The following NOS1 variants were observed in gnomAD, a reference collection of about 807,000 sequenced individuals.
The protein encoded by NOS1 is nitric oxide synthase 1.
In NOS1, 51 loss-of-function variants were observed where a neutral mutation model predicts 164.5. That is an observed-to-expected ratio of 0.31 (90% CI 0.25 to 0.39). The LOEUF is 0.39. NOS1 is among the 10% of genes least tolerant of loss of function. The pLI is 1.00. For synonymous variants in NOS1, 719 were observed against 745.8 expected (o/e 0.96, Z 0.59); for missense variants, 1,362 against 1,885.6 (o/e 0.72, Z 5.14).
At chr12:117,285,163 A>T in intron 7 of NOS1, 78 bp downstream of exon 7, 1 of 823,376 alleles carries the variant, frequency 1.2e-6, no homozygotes, top group African/African-American at 1.7e-5. Context: ...CTGGCAGGTG[A>T]GCTGACTCCA....
intron 23 of NOS1, 43 bp from the exon 24 acceptor site, chr12:117,226,813 G>A (rs372186604): frequency 1.1e-5 from 16 of 1,502,428 alleles, no homozygotes; most frequent in East Asian, 4.6e-5. Flanking sequence ...CACTGCTCCC[G>A]AGCACGGCCT....
chr12:117,277,613 A>G (rs1873293349), intron 9 of NOS1, among the ~76,000 whole-genome samples: 4 of 152,120 alleles, frequency 2.6e-5, no homozygotes, highest in Admixed American at 2.6e-4. Context: ...AAAGAAAAAG[A>G]AAAAGAAAAA....
At chr12:117,224,619 GTTTC>G (rs1868487327) in intron 25 of NOS1, among the ~76,000 whole-genome samples, 1 of 152,194 alleles carries the variant, frequency 6.6e-6, no homozygotes, top group Non-Finnish European at 1.5e-5. Flanking sequence ...CACAATTTGG[GTTTC>G]TTTCTCTCTC....
chr12:117,316,043 G>C (rs1214591737), intron 2 of NOS1, among the ~76,000 whole-genome samples: 1 of 152,172 alleles, frequency 6.6e-6, no homozygotes, highest in African/African-American at 2.4e-5. Flanking sequence ...TGTGGCAATT[G>C]AGCATTTGAA....
chr12:117,284,273 T>G (rs537681044), intron 7 of NOS1, among the ~76,000 whole-genome samples: 1 of 152,156 alleles, frequency 6.6e-6, no homozygotes, highest in African/African-American at 2.4e-5. Flanking sequence ...GTGGCAGCAG[T>G]GAGCGGGCAG....
intron 28 of NOS1, among the ~76,000 whole-genome samples, 192 bp downstream of exon 28, chr12:117,217,854 C>A (rs1956635794): frequency 6.6e-6 from 1 of 152,228 alleles, no homozygotes; most frequent in Admixed American, 6.5e-5. Flanking sequence ...CAAACTGCTG[C>A]ATCCTAACTC....
chr12:117,221,002 C>T (rs887336628), intron 26 of NOS1, among the ~76,000 whole-genome samples: 3 of 152,082 alleles, frequency 2.0e-5, no homozygotes, highest in South Asian at 4.1e-4. Flanking sequence ...GAGTGCCCCC[C>T]CAACCTGCCA....
intron 1 of NOS1, among the ~76,000 whole-genome samples, chr12:117,339,800 ATATAAT>A (rs1876012141): frequency 1.3e-5 from 2 of 152,232 alleles, no homozygotes; most frequent in African/African-American, 2.4e-5. Context: ...CCATTTAGAA[ATATAAT>A]TATAAGTCCA....
intron 16 of NOS1, chr12:117,256,077 G>A (rs1871420282): frequency 8.5e-7 from 1 of 1,177,882 alleles, no homozygotes; most frequent in Non-Finnish European, 1.1e-6. Flanking sequence ...TCTCCCTGAA[G>A]GAGGGGTGAG....
At chr12:117,278,226 G>T in intron 8 of NOS1, 128 bp from the exon 9 acceptor site, 1 of 1,107,160 alleles carries the variant, frequency 9.0e-7, no homozygotes, top group African/African-American at 1.6e-5. Flanking sequence ...TTCCTCTGGA[G>T]GCTCTTGGAC....
At chr12:117,240,531 G>T (rs1313165944) in intron 20 of NOS1, among the ~76,000 whole-genome samples, 2 of 152,200 alleles carry the variant, frequency 1.3e-5, no homozygotes, top group African/African-American at 4.8e-5. Flanking sequence ...TTGGCACACT[G>T]ACTTTGGCGT....
chr12:117,251,835 G>A (rs928447768), intron 17 of NOS1, among the ~76,000 whole-genome samples: 7 of 151,778 alleles, frequency 4.6e-5, no homozygotes, highest in African/African-American at 7.3e-5. Context: ...AGGCTCAAGC[G>A]ATCTTCCCAC....
At chr12:117,277,683 A>G (rs377757314) in intron 9 of NOS1, among the ~76,000 whole-genome samples, 4 of 152,214 alleles carry the variant, frequency 2.6e-5, no homozygotes, top group East Asian at 1.9e-4. Flanking sequence ...TGCTCTTTCA[A>G]TGCTTAGGGC....
chr12:117,301,514 C>T (rs980592559), intron 3 of NOS1, among the ~76,000 whole-genome samples: 1 of 152,220 alleles, frequency 6.6e-6, no homozygotes, highest in Admixed American at 6.5e-5. Flanking sequence ...TCATTGAATC[C>T]TCATGGTAAC....
chr12:117,249,002 G>A (rs1472897927), intron 17 of NOS1, among the ~76,000 whole-genome samples: 2 of 152,156 alleles, frequency 1.3e-5, no homozygotes, highest in Non-Finnish European at 2.9e-5. Context: ...CTTCTTTTGA[G>A]AAGTGTCTGT....
At chr12:117,359,773 G>A (rs1176314644) in intron 1 of NOS1, among the ~76,000 whole-genome samples, 1 of 150,598 alleles carries the variant, frequency 6.6e-6, no homozygotes, top group East Asian at 2.0e-4. Flanking sequence ...TCCGCAGCCT[G>A]TAGTACCCTG....
chr12:117,225,782 C>T (rs535141451), intron 24 of NOS1, among the ~76,000 whole-genome samples: 4 of 152,272 alleles, frequency 2.6e-5, no homozygotes, highest in African/African-American at 7.2e-5. Flanking sequence ...CCCGCCACCA[C>T]CCTCGGCTAC....
intron 3 of NOS1, among the ~76,000 whole-genome samples, chr12:117,304,031 G>T (rs768089750): frequency 9.9e-5 from 15 of 152,134 alleles, no homozygotes; most frequent in Non-Finnish European, 2.1e-4. Context: ...AATTAGCCGG[G>T]CGTGGCGGCG....
chr12:117,286,302 C>G, intron 5 of NOS1, 36 bp from the exon 6 acceptor site: 5 of 1,609,296 alleles, frequency 3.1e-6, no homozygotes, highest in Non-Finnish European at 4.2e-6. Flanking sequence ...AACATCACCC[C>G]CTCTTCTGAA....
Sources: gnomAD v4.1 joint callset for allele counts (sites outside exome capture counted in the v4.1 genomes callset) on GRCh38, gnomAD v4.1.1 for gene constraint, MANE v1.5 for transcripts, NCBI Gene and HGNC (gene_info 2026-07-23, HGNC 2026-07-21) for gene names.